Variants in CALN1 observed in about 807,000 individuals in gnomAD.
CALN1 encodes the protein calcium-binding protein 8.
A neutral mutation model predicts 30.6 loss-of-function variants in CALN1; 17 were observed. The ratio of observed to expected loss-of-function variants is 0.56; its 90% CI spans 0.38 to 0.83. CALN1 has a LOEUF of 0.83. Ranked by LOEUF, CALN1 falls within the 40% of genes least tolerant of loss-of-function variation. The probability of loss-of-function intolerance (pLI) is 0.00; values close to 1 mark genes in which losing one functional copy is unlikely to be tolerated. For synonymous variants in CALN1, 156 were observed against 131.4 expected (o/e 1.19, Z -1.28); for missense variants, 291 against 354.9 (o/e 0.82, Z 1.45).
At position 71,783,056 on chromosome 7, in the gene CALN1, GCTT is replaced by G. The variant is rs1022424757; in HGVS notation, c.*4716_*4718del. The G allele has an allele frequency of 7.9e-5, 12 of 152,078 alleles. No homozygotes were observed. Among genetic ancestry groups the G allele is most frequent in the African/African-American group, 2.9e-4 (12 of 41,384 alleles). 9.4% of individuals were successfully genotyped at this position (152,078 alleles called of 1,614,324 possible). On this transcript the variant is annotated 3_prime_UTR_variant, in exon 7 of 7. Coordinates refer to ENST00000395275, the MANE Select transcript of CALN1 (RefSeq NM_031468.4). ...TGAGCCACCGCACCTGGTCCTTAATGCTTCTTTTCTATTTCAGATAGATTCTCC... is the reference window on the plus strand; with the variant it reads ...TGAGCCACCGCACCTGGTCCTTAATGCTTTTCTATTTCAGATAGATTCTCC...
At chr7:72,425,599 G>A (rs1316458735) in intron 1 of CALN1, among the ~76,000 whole-genome samples, 3 of 152,248 alleles carry the variant, frequency 2.0e-5, no homozygotes, top group African/African-American at 2.4e-5. Context: ...ATACCTCATC[G>A]TTACTATTGC....
chr7:72,300,099 C>G (rs1329317950), intron 2 of CALN1, among the ~76,000 whole-genome samples: 5 of 151,950 alleles, frequency 3.3e-5, no homozygotes, highest in African/African-American at 7.3e-5. Context: ...CCAGGCTGGT[C>G]TCGAACTCCT....
chr7:72,066,905 C>G (rs1237092052), intron 4 of CALN1, among the ~76,000 whole-genome samples: 1 of 152,134 alleles, frequency 6.6e-6, no homozygotes, highest in Non-Finnish European at 1.5e-5. Flanking sequence ...CCTCAGCCTC[C>G]CCAGCAGCTG....
At chr7:72,480,564 T>C in the CALN1 span, among the ~76,000 whole-genome samples, 15 of 152,198 alleles carry the variant, frequency 9.9e-5, no homozygotes, top group Non-Finnish European at 2.2e-4. Flanking sequence ...GTGGTATTGG[T>C]ATTTTTTCTT....
At chr7:72,391,367 CT>C (rs1805566799) in intron 2 of CALN1, among the ~76,000 whole-genome samples, 1 of 152,202 alleles carries the variant, frequency 6.6e-6, no homozygotes, top group South Asian at 2.1e-4. Flanking sequence ...TGGAAGGCAT[CT>C]TATCTTGACT....
At chr7:72,437,943 T>C (rs907084247) in intron 1 of CALN1, among the ~76,000 whole-genome samples, 85 of 141,750 alleles carry the variant, frequency 6.0e-4, no homozygotes, top group African/African-American at 2.0e-3. Context: ...CCTCTCTCCC[T>C]TCCTTCCTTC....
At chr7:71,894,747 G>C (rs1427285196) in intron 5 of CALN1, among the ~76,000 whole-genome samples, 1 of 152,188 alleles carries the variant, frequency 6.6e-6, no homozygotes, top group Non-Finnish European at 1.5e-5. Context: ...TTTGCTTTCT[G>C]AGAGCATGAT....
intron 2 of CALN1, among the ~76,000 whole-genome samples, chr7:72,296,320 TTC>T (rs1242914895): frequency 2.1e-5 from 3 of 141,028 alleles, no homozygotes; most frequent in Non-Finnish European, 4.6e-5. Context: ...TGGTCTAAAA[TTC>T]TCTTTTTTGG....
chr7:71,946,886 T>TCCA (rs915642170), intron 5 of CALN1, among the ~76,000 whole-genome samples: 7 of 152,234 alleles, frequency 4.6e-5, no homozygotes, highest in South Asian at 4.1e-4. Flanking sequence ...AGTTGCTGTG[T>TCCA]TGCCCAGGCT....
chr7:72,320,455 A>T (rs1482856274), intron 2 of CALN1, among the ~76,000 whole-genome samples: 1 of 152,138 alleles, frequency 6.6e-6, no homozygotes, highest in Non-Finnish European at 1.5e-5. Context: ...TTCGGGATGG[A>T]AGCAGAAAAG....
At chr7:72,215,135 C>T (rs1430535067) in intron 3 of CALN1, among the ~76,000 whole-genome samples, 1 of 152,122 alleles carries the variant, frequency 6.6e-6, no homozygotes, top group Non-Finnish European at 1.5e-5. Context: ...GAAACCAGTC[C>T]CTGGTGGCAA....
In CALN1 at chr7:72,268,793, C is replaced by CCACACACACA. The variant is rs3032247; in HGVS notation, c.244+9883_244+9892dup. Among the ~76,000 whole-genome samples the CCACACACACA allele has an allele frequency of 5.4e-3, 785 of 145,928 alleles. 5 individuals carry two copies. The highest frequency in any genetic ancestry group is 0.015 in the African/African-American group (587 of 39,132). On this transcript the variant is annotated intron_variant, in intron 3 of 6. Transcript: ENST00000395275. ...GCCTGGGCAACAGAGCAAGACCCTG[C>CCACACACACA]CACACACACACACACACACACACAC...
chr7:72,022,618 T>C (rs1377508030), intron 5 of CALN1, among the ~76,000 whole-genome samples: 1 of 152,162 alleles, frequency 6.6e-6, no homozygotes, highest in Admixed American at 6.5e-5. Flanking sequence ...GGTCTTGAAC[T>C]CCTGGCCTCA....
intron 4 of CALN1, among the ~76,000 whole-genome samples, chr7:72,077,379 T>C (rs1563036442): frequency 6.6e-6 from 1 of 152,206 alleles, no homozygotes; most frequent in Non-Finnish European, 1.5e-5. Flanking sequence ...GTTCAAGCGA[T>C]TCTCCTGCCT....
intron 2 of CALN1, among the ~76,000 whole-genome samples, chr7:72,283,451 T>C (rs1290712245): frequency 2.6e-5 from 4 of 152,122 alleles, no homozygotes; most frequent in Non-Finnish European, 5.9e-5. Flanking sequence ...GAGAGGATCA[T>C]GTGAGCACAG....
intron 1 of CALN1, among the ~76,000 whole-genome samples, chr7:72,419,048 C>T (rs1807521028): frequency 6.6e-6 from 1 of 152,042 alleles, no homozygotes; most frequent in Admixed American, 6.6e-5. Flanking sequence ...CGGACCTCTA[C>T]CCATTGAAAA....
At chr7:72,314,570 C>A (rs1352371652) in intron 2 of CALN1, among the ~76,000 whole-genome samples, 3 of 151,188 alleles carry the variant, frequency 2.0e-5, no homozygotes, top group Admixed American at 2.0e-4. Flanking sequence ...ATACAAGTGC[C>A]CACCACCACA....
chr7:72,076,270 A>G (rs1584891118), intron 4 of CALN1, among the ~76,000 whole-genome samples: 1 of 151,898 alleles, frequency 6.6e-6, no homozygotes, highest in Admixed American at 6.6e-5. Flanking sequence ...CACATCCTGC[A>G]CATGTACCCC....
chr7:71,845,429 C>T (rs1246595131), intron 5 of CALN1, among the ~76,000 whole-genome samples: 1 of 152,190 alleles, frequency 6.6e-6, no homozygotes, highest in Non-Finnish European at 1.5e-5. Flanking sequence ...CACCCACCTC[C>T]ACTTCTAGAG....
Sources: allele counts gnomAD v4.1 joint callset (sites outside exome capture counted in the v4.1 genomes callset), GRCh38; gene constraint gnomAD v4.1.1; transcripts MANE v1.5; gene names NCBI Gene and HGNC (gene_info 2026-07-23, HGNC 2026-07-21).